CATSPERB: variants seen among roughly 807,000 people sequenced by gnomAD.
The protein encoded by CATSPERB is catsper channel auxiliary subunit beta.
CATSPERB carries 93 observed loss-of-function variants against 128.3 expected under a neutral mutation model. The observed-to-expected ratio is 0.72, with a 90% confidence interval of 0.61 to 0.86. The LOEUF is 0.86. Among genes scored for constraint, CATSPERB ranks in the 40% least tolerant of loss-of-function variants. The probability of loss-of-function intolerance (pLI) is 0.00; values close to 1 mark genes in which losing one functional copy is unlikely to be tolerated. For synonymous variants in CATSPERB, 381 were observed against 448.8 expected (o/e 0.85, Z 1.91); for missense variants, 1,153 against 1,329.5 (o/e 0.87, Z 2.06).
chr14:91,663,553 A>G (rs918987754), intron 14 of CATSPERB, among the ~76,000 whole-genome samples: 39 of 150,938 alleles, frequency 2.6e-4, no homozygotes, highest in African/African-American at 9.0e-4. Context: ...GCTGAGGCAG[A>G]AGAATGGCGT....
In CATSPERB at chr14:91,581,615, G is replaced by C. The variant is rs548121893; in HGVS notation, c.3133-508C>G. ...CTCTTTGTAGGTGCTGCCAGTATAG[G>C]TAACTTTTTATGTATTCAAAATGTT... On this transcript the variant is annotated intron_variant, in intron 26 of 26. Coordinates refer to ENST00000256343, the MANE Select transcript of CATSPERB (RefSeq NM_024764.4). 2.6e-5 allele frequency among the ~76,000 whole-genome samples: 4 copies of C among 152,330 alleles called. No individual in the cohort carries two copies. In the South Asian group the frequency reaches 8.3e-4, roughly 32 times the overall value.
chr14:91,700,694 A>G (rs1219282416), intron 7 of CATSPERB, among the ~76,000 whole-genome samples: 3 of 152,352 alleles, frequency 2.0e-5, no homozygotes, highest in Middle Eastern at 6.8e-3. Flanking sequence ...ATGCAGCTGG[A>G]GGCCATTATC....
At position 91,723,108 on chromosome 14, in the gene CATSPERB, G is replaced by A. The variant is rs1199437029; in HGVS notation, c.250C>T (p.Pro84Ser). Residue 84 changes from proline (P) to serine (S), a missense_variant, in exon 4 of 27, where the codon CCC becomes TCC. Transcript: ENST00000256343. ...GTACTATTCATGATTCCCAAGCTGG[G>A]AGCAAGTCCTCCTGATGTGAACACA... is the stretch of plus-strand genomic sequence containing the variant. ...LSVFTSGGLAPSLGIMNSTYN... is the reference protein window; with the variant it reads ...LSVFTSGGLASSLGIMNSTYN... The A allele has an allele frequency of 6.4e-7, 1 of 1,553,742 alleles. No individual in the cohort carries two copies. The highest frequency in any genetic ancestry group is 1.4e-5 in the African/African-American group (1 of 72,444).
chr14:91,633,139 G>T (rs1046630615), intron 17 of CATSPERB, among the ~76,000 whole-genome samples: 1 of 152,114 alleles, frequency 6.6e-6, no homozygotes, highest in South Asian at 2.1e-4. Flanking sequence ...TTCTTCAGGG[G>T]TCTTCATTTC....
chr14:91,669,678 G>A (rs1176556601), intron 14 of CATSPERB, 136 bp downstream of exon 14: 1 of 804,734 alleles, frequency 1.2e-6, no homozygotes, highest in Non-Finnish European at 1.9e-6. Context: ...ACAATAAATA[G>A]TCAATAAATA....
chr14:91,717,317 T>C (rs1163268894), intron 5 of CATSPERB, among the ~76,000 whole-genome samples: 1 of 152,114 alleles, frequency 6.6e-6, no homozygotes, highest in Non-Finnish European at 1.5e-5. Flanking sequence ...TCAAAACCCA[T>C]AGAACTGGAC....
rs553000354 is a variant in CATSPERB at position 91,617,865 on chromosome 14, A to G, written c.2261-129T>C. ...TGAAGGTTGCACAATGACTGCACAT[A>G]CAGTTAGCAATTTATATAGAGTCAA... On this transcript the variant is annotated intron_variant, in intron 19 of 26. Coordinates refer to ENST00000256343, the MANE Select transcript of CATSPERB (RefSeq NM_024764.4). 126 of 650,168 alleles carry G rather than the reference A, an allele frequency of 1.9e-4. 1 individual carries two copies. The African/African-American group carries it at 2.2e-3, about 11-fold the overall frequency. The allele number at this position is 650,168 out of a possible 1,614,324, so 40.3% of individuals were successfully genotyped here. A position where few individuals can be genotyped will look rare whatever the true frequency, so the allele number is the denominator to read the frequency against.
chr14:91,590,216 A>G (rs1391437497), intron 23 of CATSPERB, among the ~76,000 whole-genome samples: 1 of 152,226 alleles, frequency 6.6e-6, no homozygotes, highest in Non-Finnish European at 1.5e-5. Flanking sequence ...AAGGGGGTAT[A>G]TAAAAACAGC....
intron 15 of CATSPERB, among the ~76,000 whole-genome samples, chr14:91,655,611 G>A (rs964762271): frequency 1.3e-5 from 2 of 152,098 alleles, no homozygotes; most frequent in Non-Finnish European, 2.9e-5. Flanking sequence ...TAGTGAGCTT[G>A]AAGACAACCC....
chr14:91,639,461 G>A (rs908016690), intron 15 of CATSPERB, among the ~76,000 whole-genome samples: 3 of 152,146 alleles, frequency 2.0e-5, no homozygotes, highest in Non-Finnish European at 4.4e-5. Context: ...GTTCACTGAA[G>A]TAGGGGAAGA....
Position 91,659,938 on chromosome 14 carries a change from G to C in CATSPERB, c.1331C>G (p.Ala444Gly). The C allele has an allele frequency of 6.2e-7, 1 of 1,601,718 alleles. No individual in the cohort carries two copies. Among genetic ancestry groups the C allele is most frequent in the Non-Finnish European group, 8.5e-7 (1 of 1,176,312 alleles). ...CTTTATGATATCATCATGAAAGTTAGCTATTAATTGAAAGGTGTTGCCGCC... is the reference window on the plus strand; with the variant it reads ...CTTTATGATATCATCATGAAAGTTACCTATTAATTGAAAGGTGTTGCCGCC... ...VDGGNTFQLI[A>G]NFHDDIIKKT... Residue 444 changes from alanine to glycine, a missense_variant, in exon 15 of 27, where the codon GCT becomes GGT. By Grantham distance (60) the Ala-to-Gly change is moderately conservative. Coordinates refer to ENST00000256343, the MANE Select transcript of CATSPERB (RefSeq NM_024764.4).
intron 15 of CATSPERB, among the ~76,000 whole-genome samples, chr14:91,655,759 T>C (rs1339082399): frequency 6.6e-6 from 1 of 152,088 alleles, no homozygotes; most frequent in African/African-American, 2.4e-5. Context: ...GAGAAAGAGA[T>C]AGGGATTGAA....
chr14:91,614,071 G>A (rs375186897), intron 20 of CATSPERB, among the ~76,000 whole-genome samples: 10 of 152,242 alleles, frequency 6.6e-5, no homozygotes, highest in Admixed American at 4.6e-4. Flanking sequence ...CTCCCTTGCC[G>A]CACGTCTCTT....
chr14:91,642,862 T>A (rs1028356577), intron 15 of CATSPERB, among the ~76,000 whole-genome samples: 3 of 141,066 alleles, frequency 2.1e-5, no homozygotes, highest in East Asian at 4.5e-4. Context: ...GTTGGTAAAC[T>A]ACTGATTATT....
chr14:91,628,615 C>T (rs1234884122), intron 17 of CATSPERB, among the ~76,000 whole-genome samples: 1 of 152,162 alleles, frequency 6.6e-6, no homozygotes, highest in Non-Finnish European at 1.5e-5. Context: ...ATGGCAGTTT[C>T]CCCTGCACTG....
chr14:91,638,985 A>T, intron 16 of CATSPERB, 111 bp downstream of exon 16: 1 of 921,018 alleles, frequency 1.1e-6, no homozygotes, highest in Non-Finnish European at 1.6e-6. Flanking sequence ...AAACTGCATT[A>T]ATGAGTTTGT....
At chr14:91,704,078 G>A (rs1202273312) in intron 7 of CATSPERB, among the ~76,000 whole-genome samples, 1 of 151,970 alleles carries the variant, frequency 6.6e-6, no homozygotes, top group African/African-American at 2.4e-5. Flanking sequence ...AGAATCACTC[G>A]GTGTGGAAAA....
intron 18 of CATSPERB, among the ~76,000 whole-genome samples, chr14:91,622,262 A>T (rs1002555413): frequency 1.3e-5 from 2 of 151,804 alleles, no homozygotes; most frequent in East Asian, 3.9e-4. Context: ...TAAAATCTTT[A>T]TTGTGATTCT....
intron 11 of CATSPERB, among the ~76,000 whole-genome samples, chr14:91,678,589 A>G (rs1895229546): frequency 6.6e-6 from 1 of 152,230 alleles, no homozygotes; most frequent in African/African-American, 2.4e-5. Context: ...AAGCTCTTCA[A>G]GTGCACATGC....
Sources: gnomAD v4.1 joint callset for allele counts (sites outside exome capture counted in the v4.1 genomes callset) on GRCh38, gnomAD v4.1.1 for gene constraint, MANE v1.5 for transcripts, NCBI Gene and HGNC (gene_info 2026-07-23, HGNC 2026-07-21) for gene names.